The following THEMIS2 variants were observed in gnomAD, a reference collection of about 807,000 sequenced individuals.
THEMIS2 encodes thymocyte selection associated family member 2, also known as protein THEMIS2.
In THEMIS2, 29 loss-of-function variants were observed where a neutral mutation model predicts 46.8. The observed-to-expected ratio is 0.62, with a 90% CI of 0.46 to 0.84. The LOEUF (loss-of-function observed/expected upper bound fraction) is 0.84. Among genes scored for constraint, THEMIS2 ranks in the 40% least tolerant of loss-of-function variants. The probability of loss-of-function intolerance (pLI) is 0.00; values close to 1 mark genes in which losing one functional copy is unlikely to be tolerated. For synonymous variants in THEMIS2, 335 were observed against 349.1 expected (o/e 0.96, Z 0.45); for missense variants, 698 against 834.7 (o/e 0.84, Z 2.02).
chr1:27,878,336 A>T (rs1246141134), intron 2 of THEMIS2, among the ~76,000 whole-genome samples: 1 of 149,230 alleles, frequency 6.7e-6, no homozygotes, highest in Non-Finnish European at 1.5e-5. Flanking sequence ...ATGAGGAGCC[A>T]GTGAGGGTTT....
chr1:27,876,424 G>C lies in THEMIS2; in HGVS notation c.95-164G>C, dbSNP rs993617182. Among the ~76,000 whole-genome samples the C allele has an allele frequency of 4.6e-5, 7 of 152,110 alleles. No homozygotes were observed. The East Asian group carries it at 1.4e-3, about 29-fold the overall frequency. ...AGGAGGGGCAAGGACAGCTGAGGAC[G>C]ACTGAACCTGTGGGCATGAGGCAGG... On this transcript the variant is annotated intron_variant, in intron 1 of 5. Transcript: ENST00000373921.
rs1190281752 is a variant in THEMIS2, at chr1:27,872,571, C to A, written c.-1C>A. 5 of 1,489,276 alleles carry A rather than the reference C, an allele frequency of 3.4e-6. No homozygotes were observed. The highest frequency in any genetic ancestry group is 4.5e-6 in the Non-Finnish European group (5 of 1,122,520). The allele number at this position is 1,489,276 out of a possible 1,614,324, so 92.3% of individuals were successfully genotyped here. A position where few individuals can be genotyped will look rare whatever the true frequency, so the allele number is the denominator to read the frequency against. On this transcript the variant is annotated 5_prime_UTR_variant, in exon 1 of 6. Transcript: ENST00000373921. The surrounding 1 kb of genome is among the most constrained non-coding windows in gnomAD (Gnocchi z 4.9). Reference sequence around the variant, plus strand: ...TCTGAGCCCAGAGAGCCGCGGGGACCATGGAGCCGGTGCCGCTGCAGGACT... The same window carrying A: ...TCTGAGCCCAGAGAGCCGCGGGGACAATGGAGCCGGTGCCGCTGCAGGACT...
chr1:27,885,880 T>C lies in THEMIS2; in HGVS notation c.1890T>C (p.His630=), dbSNP rs748012099. ...ACTCTTTTGCAGATGATGATGAACA[T>C]GATTATGAAGAAATACTTGAGCAAT... ...PQRQDLDDDE[H]DYEEILEQFQ... is the part of the protein sequence containing the mutation. The change falls in exon 6 of 6, where the codon CAT becomes CAC. Residue 630 remains histidine (H), a synonymous_variant. Coordinates refer to ENST00000373921, the MANE Select transcript of THEMIS2 (RefSeq NM_001105556.3). The C allele has an allele frequency of 1.9e-6, 3 of 1,614,004 alleles. No homozygotes were observed. The highest frequency in any genetic ancestry group is 1.7e-5 in the Admixed American group (1 of 60,006).
rs550289255 is a variant in THEMIS2, at chr1:27,876,652, C to T, written c.159C>T (p.Thr53=). 2 of 1,614,038 alleles carry T rather than the reference C, an allele frequency of 1.2e-6. No individual in the cohort carries two copies. The highest frequency in any genetic ancestry group is 1.3e-5 in the African/African-American group (1 of 75,030). ...CLSTGDLIKV[T]QVRLQKVVCE... ...CCACGGGGGACCTGATCAAGGTCAC[C>T]CAGGTCCGCCTCCAGAAGGTGGTCT... is the stretch of plus-strand genomic sequence containing the variant. The change falls in exon 2 of 6, where the codon ACC becomes ACT. Residue 53 remains threonine (T), a synonymous_variant. Coordinates refer to ENST00000373921, the MANE Select transcript of THEMIS2 (RefSeq NM_001105556.3).
chr1:27,882,174 C>CA lies in THEMIS2; in HGVS notation c.855dup (p.Gly286ArgfsTer51). 1 of 1,613,420 alleles carries CA rather than the reference C, an allele frequency of 6.2e-7. No individual in the cohort carries two copies. The highest frequency in any genetic ancestry group is 8.5e-7 in the Non-Finnish European group (1 of 1,179,788). On this transcript the variant is annotated frameshift_variant, in exon 4 of 6. Transcript: ENST00000373921. LOFTEE classifies it high-confidence loss of function. This position sits in a 1 kb window ranked among gnomAD's most constrained non-coding sequence, Gnocchi z 7.6. ...CCTCAGCCCGTGGGTGGGCTCCTTG[C>CA]AAAAAGGCCAGAGGCTTTGCGTCTA...
chr1:27,884,185 A>C (rs1325382476), intron 4 of THEMIS2: 1 of 152,250 alleles, frequency 6.6e-6, no homozygotes, highest in Non-Finnish European at 1.5e-5. Context: ...GGTGAGAGGC[A>C]CAGAGAGGTC....
In THEMIS2 at chr1:27,885,915, C is replaced by G. The variant is rs748993556; in HGVS notation, c.1925C>G (p.Thr642Ser). The G allele has an allele frequency of 6.2e-7, 1 of 1,613,962 alleles. No homozygotes were observed. Among genetic ancestry groups the G allele is most frequent in the South Asian group, 1.1e-5 (1 of 91,066 alleles). Residue 642 changes from threonine to serine, a missense_variant, in exon 6 of 6, where the codon ACC becomes AGC. Transcript: ENST00000373921. ...GAAATACTTGAGCAATTTCAGAAAA[C>G]CATCTAAGTGCTGGAGGAACCACGC... ...YEEILEQFQK[T>S]I
intron 3 of THEMIS2, among the ~76,000 whole-genome samples, chr1:27,881,458 A>C (rs971858038): frequency 3.3e-5 from 5 of 152,086 alleles, no homozygotes; most frequent in Non-Finnish European, 7.4e-5. Context: ...TCTCAAAAAA[A>C]AAAAGAAGGT....
chr1:27,874,888 C>T lies in THEMIS2; in HGVS notation c.95-1700C>T, dbSNP rs565220317. Reference sequence around the variant, plus strand: ...TGTTGGGATTACAAGCGTGAGCCACCGCACCCAGCCATAACTTCCAGTTCT... The same window carrying T: ...TGTTGGGATTACAAGCGTGAGCCACTGCACCCAGCCATAACTTCCAGTTCT... On this transcript the variant is annotated intron_variant, in intron 1 of 5. Coordinates refer to ENST00000373921, the MANE Select transcript of THEMIS2 (RefSeq NM_001105556.3). Among the ~76,000 whole-genome samples, 158 of 152,220 alleles carry T rather than the reference C, an allele frequency of 1.0e-3. 1 individual carries two copies. The highest frequency in any genetic ancestry group is 3.6e-3 in the African/African-American group (149 of 41,534).
rs1417798977 is a variant in THEMIS2, at chr1:27,885,838, G to A, written c.1877-29G>A. On this transcript the variant is annotated intron_variant, in intron 5 of 5. Transcript: ENST00000373921. ...GGGAAGGAACTTGCCTAACGCTAAA[G>A]ATCCTCATTGACTCGGACTCTTTTG... 6 of 1,612,602 alleles carry A rather than the reference G, an allele frequency of 3.7e-6. No homozygotes were observed. In the African/African-American group the frequency reaches 8.0e-5, roughly 22 times the overall value.
chr1:27,882,793 T>C lies in THEMIS2; in HGVS notation c.1469T>C (p.Leu490Pro). 6.2e-7 allele frequency: 1 copy of C among 1,613,794 alleles called. No homozygotes were observed. Among genetic ancestry groups the C allele is most frequent in the Non-Finnish European group, 8.5e-7 (1 of 1,179,866 alleles). Residue 490 changes from leucine (L) to proline (P), a missense_variant, in exon 4 of 6, where the codon CTA (leucine) becomes CCA (proline). Transcript: ENST00000373921. The surrounding 1 kb of genome is among the most constrained non-coding windows in gnomAD (Gnocchi z 7.6). Reference sequence around the variant, plus strand: ...ACAGAGCCATTCTTGGTGGTGAGCCTAGACTCTGAGCCTGGGATGTGCTTT... The same window carrying C: ...ACAGAGCCATTCTTGGTGGTGAGCCCAGACTCTGAGCCTGGGATGTGCTTT... ...KITEPFLVVS[L>P]DSEPGMCFEI...
chr1:27,880,112 T>C lies in THEMIS2; in HGVS notation c.646+58T>C, dbSNP rs149676722. 2.2e-3 allele frequency: 3,327 copies of C among 1,511,132 alleles called. 56 individuals are homozygous for C. The African/African-American group carries it at 0.038, about 17-fold the overall frequency. 93.6% of individuals were successfully genotyped at this position (1,511,132 alleles called of 1,614,324 possible). A position where few individuals can be genotyped will look rare whatever the true frequency, so the allele number is the denominator to read the frequency against. On this transcript the variant is annotated intron_variant, in intron 3 of 5. Coordinates refer to ENST00000373921, the MANE Select transcript of THEMIS2 (RefSeq NM_001105556.3). ...TGGGGGAGAGAAAGAGGGTTGCCCC[T>C]GGGAGCTGCTCTGATGGAAGACACC... is the stretch of plus-strand genomic sequence containing the variant.
At chr1:27,878,644 A>G (rs2089628637) in intron 2 of THEMIS2, among the ~76,000 whole-genome samples, 1 of 151,772 alleles carries the variant, frequency 6.6e-6, no homozygotes, top group African/African-American at 2.4e-5. Flanking sequence ...TAAATTGCAG[A>G]CATGTTCCCT....
intron 3 of THEMIS2, 89 bp downstream of exon 3, chr1:27,880,143 C>A: frequency 1.4e-6 from 2 of 1,398,244 alleles, no homozygotes; most frequent in Non-Finnish European, 1.9e-6. Context: ...ACACCCCCAC[C>A]CCATCCCTGA....
chr1:27,879,750 C>A lies in THEMIS2; in HGVS notation c.342C>A (p.Thr114=). The A allele has an allele frequency of 6.2e-7, 1 of 1,614,104 alleles. No individual in the cohort carries two copies. ...SKQLPTCFMS[T]HRIVTEGRVV... is the part of the protein sequence containing the mutation. ...AGCTGCCCACTTGCTTCATGTCGAC[C>A]CACAGGATTGTCACAGAGGGCAGGG... Residue 114 remains threonine, a synonymous_variant, in exon 3 of 6, where the codon ACC becomes ACA. Transcript: ENST00000373921.
rs1429560408 is a variant in THEMIS2, at chr1:27,872,673, G to T, written c.94+8G>T. 2 of 1,366,844 alleles carry T rather than the reference G, an allele frequency of 1.5e-6. No homozygotes were observed. The highest frequency in any genetic ancestry group is 1.9e-6 in the Non-Finnish European group (2 of 1,054,526). 84.7% of individuals were successfully genotyped at this position (1,366,844 alleles called of 1,614,324 possible). A position where few individuals can be genotyped will look rare whatever the true frequency, so the allele number is the denominator to read the frequency against. On this transcript the variant is annotated splice_region_variant and intron_variant, in intron 1 of 5. Coordinates refer to ENST00000373921, the MANE Select transcript of THEMIS2 (RefSeq NM_001105556.3). This position sits in a 1 kb window ranked among gnomAD's most constrained non-coding sequence, Gnocchi z 4.9. ...CGGGGGTCTACTTCGAGGGTGAGCG[G>T]GGGCTGGAACCCCTCCGAGCACTCC...
rs370830819 is a variant in THEMIS2 at position 27,878,102 on chromosome 1, TAGAG to T, written c.235+1380_235+1383del. On this transcript the variant is annotated intron_variant, in intron 2 of 5. Transcript: ENST00000373921. ...GAGGTGGAGGTTGCAGCCTGTGCAA[TAGAG>T]AGAGACTCTGTCTCTCAAAAAAAAA... 3.1e-3 allele frequency among the ~76,000 whole-genome samples: 387 copies of T among 124,360 alleles called. 3 individuals carry two copies. Among genetic ancestry groups the T allele is most frequent in the African/African-American group, 0.012 (371 of 30,782 alleles). 81.6% of individuals were successfully genotyped at this position (124,360 alleles called of 152,430 possible). A position where few individuals can be genotyped will look rare whatever the true frequency, so the allele number is the denominator to read the frequency against.
chr1:27,873,120 C>A (rs2089517201), intron 1 of THEMIS2, among the ~76,000 whole-genome samples: 1 of 152,138 alleles, frequency 6.6e-6, no homozygotes, highest in South Asian at 2.1e-4. Context: ...CCACCTTGGC[C>A]TTCTGTTTGA....
chr1:27,876,549 C>A, intron 1 of THEMIS2, 39 bp from the exon 2 acceptor site: 1 of 1,604,620 alleles, frequency 6.2e-7, no homozygotes, highest in Non-Finnish European at 8.5e-7. Context: ...CAGCACTTGG[C>A]CCTTGTCCAA....
Sources: gnomAD v4.1 joint callset for allele counts (sites outside exome capture counted in the v4.1 genomes callset) on GRCh38, gnomAD v4.1.1 for gene constraint, Gnocchi (gnomAD v3.1) non-coding constraint, MANE v1.5 for transcripts, NCBI Gene and HGNC (gene_info 2026-07-23, HGNC 2026-07-21) for gene names.